Variants in CNTN4 observed in about 807,000 individuals in gnomAD.
CNTN4 encodes the protein contactin 4.
In CNTN4, 77 loss-of-function variants were observed where a neutral mutation model predicts 122.5. The ratio of observed to expected loss-of-function variants is 0.63; its 90% CI spans 0.52 to 0.76. The LOEUF (loss-of-function observed/expected upper bound fraction) is 0.76. Among genes scored for constraint, CNTN4 ranks in the 30% least tolerant of loss-of-function variants. The probability of loss-of-function intolerance (pLI) is 0.00; values close to 1 mark genes in which losing one functional copy is unlikely to be tolerated. For synonymous variants in CNTN4, 512 were observed against 447.0 expected (o/e 1.15, Z -1.83); for missense variants, 1,256 against 1,259.1 (o/e 1.00, Z 0.04).
chr3:2,934,619 T>C (rs561558528), intron 13 of CNTN4, among the ~76,000 whole-genome samples: 30 of 152,372 alleles, frequency 2.0e-4, no homozygotes, highest in Admixed American at 3.3e-4. Context: ...GTCTCTGTTC[T>C]GGAGGCAGAG....
intron 3 of CNTN4, among the ~76,000 whole-genome samples, chr3:2,366,978 G>C (rs1418739243): frequency 2.6e-5 from 4 of 151,956 alleles, no homozygotes; most frequent in South Asian, 2.1e-4. Context: ...AAATATTAAG[G>C]ATATATGTAC....
At chr3:2,611,803 C>G (rs979685522) in intron 4 of CNTN4, among the ~76,000 whole-genome samples, 1 of 152,122 alleles carries the variant, frequency 6.6e-6, no homozygotes, top group African/African-American at 2.4e-5. Context: ...TGTTTTGTCT[C>G]TCTGTTGTAT....
intron 2 of CNTN4, among the ~76,000 whole-genome samples, chr3:2,287,711 G>GAAGAA: frequency 1.5e-5 from 1 of 65,488 alleles, no homozygotes; most frequent in South Asian, 7.1e-4. Context: ...AAGAAGAAGA[G>GAAGAA]GAAGAAGAAG....
At chr3:2,754,121 A>G (rs1386375229) in intron 6 of CNTN4, among the ~76,000 whole-genome samples, 1 of 152,168 alleles carries the variant, frequency 6.6e-6, no homozygotes, top group Non-Finnish European at 1.5e-5. Context: ...TCTCCCCTAC[A>G]TGTGAGAAAG....
At chr3:2,567,109 G>A (rs9828884) in intron 3 of CNTN4, among the ~76,000 whole-genome samples, 52,582 of 144,902 alleles carry the variant, frequency 0.36, 9,990 homozygotes, top group East Asian at 0.57. Context: ...TTTTTCAGAC[G>A]GAGTCTTGCT....
intron 3 of CNTN4, among the ~76,000 whole-genome samples, chr3:2,368,669 T>TA (rs34186285): frequency 0.18 from 27,655 of 151,280 alleles, 3,824 homozygotes; most frequent in East Asian, 0.5. Context: ...TCTTAAATAA[T>TA]AAAAAAAAAC....
chr3:2,223,957 G>T (rs541234361), intron 2 of CNTN4, among the ~76,000 whole-genome samples: 1 of 152,114 alleles, frequency 6.6e-6, no homozygotes, highest in Non-Finnish European at 1.5e-5. Flanking sequence ...GGGGCTTCTT[G>T]GGGGGCAGGT....
At chr3:2,695,491 T>G (rs1201467126) in intron 4 of CNTN4, among the ~76,000 whole-genome samples, 1 of 152,244 alleles carries the variant, frequency 6.6e-6, no homozygotes, top group Non-Finnish European at 1.5e-5. Context: ...TCCAAATTGC[T>G]GTTTGTTTTT....
intron 13 of CNTN4, among the ~76,000 whole-genome samples, chr3:2,927,067 C>A (rs1325047283): frequency 6.6e-6 from 1 of 152,044 alleles, no homozygotes; most frequent in Non-Finnish European, 1.5e-5. Flanking sequence ...TGAAATATAA[C>A]TAGTATGTAC....
chr3:2,814,181 C>G (rs1004258748), intron 6 of CNTN4, among the ~76,000 whole-genome samples: 2 of 152,096 alleles, frequency 1.3e-5, no homozygotes, highest in Non-Finnish European at 2.9e-5. Flanking sequence ...CAAATGAAAT[C>G]AACACCAAAA....
chr3:2,500,108 T>C (rs1163350332), intron 3 of CNTN4, among the ~76,000 whole-genome samples: 1 of 152,138 alleles, frequency 6.6e-6, no homozygotes. Flanking sequence ...TATCTTGCAA[T>C]ATTGCTGAAC....
chr3:2,139,980 C>G (rs2034914399), intron 2 of CNTN4, among the ~76,000 whole-genome samples: 1 of 152,178 alleles, frequency 6.6e-6, no homozygotes, highest in African/African-American at 2.4e-5. Flanking sequence ...GTGATTGAAT[C>G]ATGGACACAG....
In CNTN4 at chr3:3,040,164, A is replaced by T; in HGVS notation, c.2291A>T (p.Asn764Ile). The T allele has an allele frequency of 2.5e-6, 4 of 1,614,170 alleles. No individual in the cohort carries two copies. Among genetic ancestry groups the T allele is most frequent in the Non-Finnish European group, 3.4e-6 (4 of 1,179,978 alleles). The change falls in exon 20 of 25, where the codon AAT becomes ATT. Residue 764 changes from asparagine (N) to isoleucine (I), a missense_variant. By Grantham distance (149) the Asn-to-Ile change is moderately radical. Coordinates refer to ENST00000418658, the MANE Select transcript of CNTN4 (RefSeq NM_175607.3). ...SADASRYVFR[N>I]ESVHPFSPFE... ...GATGCCTCTAGATACGTGTTCAGGA[A>T]TGAGAGCGTGCACCCCTTCTCTCCC...
At chr3:2,363,957 T>C (rs1405348207) in intron 3 of CNTN4, among the ~76,000 whole-genome samples, 1 of 152,224 alleles carries the variant, frequency 6.6e-6, no homozygotes, top group Non-Finnish European at 1.5e-5. Flanking sequence ...TTTCCAGTTA[T>C]ATGATCTCTT....
intron 13 of CNTN4, among the ~76,000 whole-genome samples, chr3:2,960,338 A>G (rs2094839911): frequency 6.6e-6 from 1 of 152,180 alleles, no homozygotes; most frequent in Admixed American, 6.5e-5. Flanking sequence ...TCTCATGTCT[A>G]TAGGTACCGC....
chr3:2,685,692 T>G (rs886107474), intron 4 of CNTN4, among the ~76,000 whole-genome samples: 5 of 152,298 alleles, frequency 3.3e-5, no homozygotes, highest in South Asian at 2.1e-4. Context: ...GTGTGTTTTT[T>G]TTGTTGTTGT....
chr3:2,467,305 G>A (rs1241445327), intron 3 of CNTN4, among the ~76,000 whole-genome samples: 1 of 152,014 alleles, frequency 6.6e-6, no homozygotes, highest in Admixed American at 6.6e-5. Flanking sequence ...CCTTTCTATA[G>A]TTTGGCCTCT....
At chr3:2,843,464 G>C (rs2093399510) in intron 7 of CNTN4, among the ~76,000 whole-genome samples, 1 of 152,128 alleles carries the variant, frequency 6.6e-6, no homozygotes, top group South Asian at 2.1e-4. Flanking sequence ...ATAAAAGCCA[G>C]GGTGATAGAT....
In CNTN4 at chr3:2,437,922, T is replaced by G. The variant is rs1192876952; in HGVS notation, c.-89+98689T>G. Reference sequence around the variant, plus strand: ...ATCTTGAAAATAAATCAGCATTCAATGGGGTCTTTGCAGTCTTTGATGTCT... The same window carrying G: ...ATCTTGAAAATAAATCAGCATTCAAGGGGGTCTTTGCAGTCTTTGATGTCT... On this transcript the variant is annotated intron_variant, in intron 3 of 24. Coordinates refer to ENST00000418658, the MANE Select transcript of CNTN4 (RefSeq NM_175607.3). Among the ~76,000 whole-genome samples the G allele has an allele frequency of 2.0e-5, 3 of 152,138 alleles. No homozygotes were observed. The East Asian group carries it at 5.8e-4, about 29-fold the overall frequency.
Sources: gnomAD v4.1 joint callset for allele counts (sites outside exome capture counted in the v4.1 genomes callset) on GRCh38, gnomAD v4.1.1 for gene constraint, MANE v1.5 for transcripts, NCBI Gene and HGNC (gene_info 2026-07-23, HGNC 2026-07-21) for gene names.